Variants in ANK1 observed in about 807,000 individuals in gnomAD.
ANK1 encodes the protein ankyrin 1.
ANK1 carries 51 observed loss-of-function variants against 210.4 expected under a neutral mutation model. The ratio of observed to expected loss-of-function variants is 0.24; its 90% CI spans 0.19 to 0.31. The LOEUF is 0.31. ANK1 is among the 10% of genes least tolerant of loss of function. ANK1 has a pLI of 1.00. For missense variants in ANK1, 2,051 were observed against 2,504.4 expected (o/e 0.82, Z 3.86); for synonymous variants, 967 against 1,025.9 (o/e 0.94, Z 1.10).
intron 1 of ANK1, among the ~76,000 whole-genome samples, chr8:41,891,206 C>T (rs1301979627): frequency 6.6e-6 from 1 of 152,006 alleles, no homozygotes; most frequent in Non-Finnish European, 1.5e-5. Context: ...CGATGAAGAG[C>T]GCCTGTACAT....
intron 26 of ANK1, 139 bp from the exon 27 acceptor site, chr8:41,695,470 C>A: frequency 2.5e-6 from 3 of 1,223,450 alleles, no homozygotes; most frequent in Non-Finnish European, 3.5e-6. Context: ...GCAGGCAGGT[C>A]TCTAAGTGGA....
chr8:41,843,778 C>G (rs191687400), intron 1 of ANK1, among the ~76,000 whole-genome samples: 1 of 152,190 alleles, frequency 6.6e-6, no homozygotes. Flanking sequence ...TATACATGTA[C>G]GGATCTTGTT....
chr8:41,820,585 G>C (rs558354463), intron 1 of ANK1, among the ~76,000 whole-genome samples: 2 of 152,062 alleles, frequency 1.3e-5, no homozygotes, highest in South Asian at 4.2e-4. Context: ...TTTTCTCAGG[G>C]GTCCCAGGAT....
intron 1 of ANK1, among the ~76,000 whole-genome samples, chr8:41,877,851 A>G (rs1334032291): frequency 2.6e-5 from 4 of 152,214 alleles, no homozygotes; most frequent in African/African-American, 4.8e-5. Flanking sequence ...GACAGCTTGA[A>G]GCACAAAGGC....
chr8:41,862,110 C>T (rs939045091), intron 1 of ANK1, among the ~76,000 whole-genome samples: 1 of 152,194 alleles, frequency 6.6e-6, no homozygotes, highest in Admixed American at 6.5e-5. Flanking sequence ...AACCTCTTCC[C>T]TTTCCCTCTG....
intron 10 of ANK1, 135 bp from the exon 11 acceptor site, chr8:41,718,339 G>T (rs762653006): frequency 1.3e-6 from 1 of 747,194 alleles, no homozygotes; most frequent in Non-Finnish European, 2.3e-6. Context: ...ACCAATCAAC[G>T]AATTAATGCC....
At chr8:41,788,322 GC>G (rs1175800196) in intron 1 of ANK1, among the ~76,000 whole-genome samples, 3 of 152,140 alleles carry the variant, frequency 2.0e-5, no homozygotes, top group Admixed American at 6.5e-5. Context: ...ACACAGAATG[GC>G]AGAGGACCGG....
Position 41,865,010 on chromosome 8 carries a change from C to A in ANK1, c.126+31345G>T, listed in dbSNP as rs575695580. ...CAAACACGGCAACCCCTTCCAGAAG[C>A]CTTGAGGCTCCAGAAGGGGATCACC... On this transcript the variant is annotated intron_variant, in intron 1 of 42. Coordinates refer to the ANK1 transcript ENST00000265709. Among the ~76,000 whole-genome samples, 44 of 152,322 alleles carry A rather than the reference C, an allele frequency of 2.9e-4. 1 individual carries two copies. Among genetic ancestry groups the A allele is most frequent in the Admixed American group, 2.7e-3 (41 of 15,304 alleles).
At chr8:41,808,237 C>T (rs1032281410) in intron 1 of ANK1, among the ~76,000 whole-genome samples, 1 of 152,232 alleles carries the variant, frequency 6.6e-6, no homozygotes, top group African/African-American at 2.4e-5. Flanking sequence ...CACACCCAAG[C>T]TCCCATGGGG....
Position 41,782,621 on chromosome 8 carries a change from G to C in ANK1, c.27+14891C>G, listed in dbSNP as rs981705488. ...CCCAGAAAGGACGGGGCCGCCTGTT[G>C]AGAACTGTCTCAGGGGGTCTCAGAT... On this transcript the variant is annotated intron_variant, in intron 1 of 42. Coordinates refer to ENST00000289734, the MANE Select transcript of ANK1 (RefSeq NM_000037.4). 9.0e-4 allele frequency among the ~76,000 whole-genome samples: 137 copies of C among 152,174 alleles called. 6 individuals carry two copies. Among genetic ancestry groups the C allele is most frequent in the Non-Finnish European group, 4.4e-5 (3 of 68,034 alleles).
intron 36 of ANK1, among the ~76,000 whole-genome samples, chr8:41,685,130 T>C (rs970754815): frequency 1.3e-5 from 2 of 152,210 alleles, no homozygotes; most frequent in South Asian, 4.1e-4. Context: ...GGTTTTGCCA[T>C]GTTGGCCAGG....
intron 40 of ANK1, among the ~76,000 whole-genome samples, chr8:41,662,339 G>A (rs1190048574): frequency 1.3e-5 from 2 of 152,180 alleles, no homozygotes; most frequent in Non-Finnish European, 2.9e-5. Flanking sequence ...CTCCGAGGGG[G>A]AGGTAGCTTT....
At chr8:41,776,695 T>A (rs891626623) in intron 1 of ANK1, among the ~76,000 whole-genome samples, 1 of 152,220 alleles carries the variant, frequency 6.6e-6, no homozygotes, top group African/African-American at 2.4e-5. Context: ...TTCCTCTCTC[T>A]TCCCAGAGCC....
chr8:41,894,914 G>A (rs746554540), intron 1 of ANK1, among the ~76,000 whole-genome samples: 5 of 151,994 alleles, frequency 3.3e-5, no homozygotes, highest in Middle Eastern at 3.2e-3. Context: ...GCCCCTTTTC[G>A]GTCCTCTAAA....
At chr8:41,805,552 G>A (rs1850839849) in intron 1 of ANK1, among the ~76,000 whole-genome samples, 1 of 151,970 alleles carries the variant, frequency 6.6e-6, no homozygotes, top group Admixed American at 6.6e-5. Context: ...CAGTCCCATA[G>A]AGCTTTTTCT....
chr8:41,740,900 C>T, intron 2 of ANK1, among the ~76,000 whole-genome samples: 1 of 152,224 alleles, frequency 6.6e-6, no homozygotes, highest in South Asian at 2.1e-4. Context: ...ACTGGATTAA[C>T]AGGCCTGCTC....
intron 39 of ANK1, among the ~76,000 whole-genome samples, chr8:41,666,241 CT>C (rs11354309): frequency 0.23 from 34,461 of 152,142 alleles, 4,025 homozygotes; most frequent in Middle Eastern, 0.29. Context: ...ATGGCAAACG[CT>C]TGTGATAGTG....
intron 1 of ANK1, among the ~76,000 whole-genome samples, chr8:41,876,602 T>C (rs1448900243): frequency 6.6e-6 from 1 of 152,230 alleles, no homozygotes; most frequent in Non-Finnish European, 1.5e-5. Context: ...GTCGGAAACG[T>C]ACGCGCTGTC....
chr8:41,787,768 C>A (rs969960626), intron 1 of ANK1, among the ~76,000 whole-genome samples: 1 of 151,826 alleles, frequency 6.6e-6, no homozygotes, highest in Non-Finnish European at 1.5e-5. Context: ...TGGGCCATGA[C>A]CACAGCACTC....
Sources: allele counts gnomAD v4.1 joint callset (sites outside exome capture counted in the v4.1 genomes callset), GRCh38; gene constraint gnomAD v4.1.1; transcripts MANE v1.5; gene names NCBI Gene and HGNC (gene_info 2026-07-23, HGNC 2026-07-21).